GBP7: variants seen among roughly 807,000 people sequenced by gnomAD.
The protein encoded by GBP7 is guanylate-binding protein 7.
Under a neutral mutation model 61.3 loss-of-function variants are expected in GBP7, and 43 were observed. The ratio of observed to expected loss-of-function variants is 0.70; its 90% confidence interval spans 0.55 to 0.91. GBP7 has a LOEUF of 0.91. GBP7 is among the 40% of genes least tolerant of loss of function. The probability of loss-of-function intolerance (pLI) is 0.00; values close to 1 mark genes in which losing one functional copy is unlikely to be tolerated. For missense variants in GBP7, 717 were observed against 740.5 expected, an observed-to-expected ratio of 0.97 and a Z score of 0.37; for synonymous variants, 267 against 271.0, an observed-to-expected ratio of 0.99 and a Z score of 0.14.
intron 9 of GBP7, among the ~76,000 whole-genome samples, chr1:89,137,406 A>G (rs552929424): frequency 1.8e-4 from 28 of 152,302 alleles, no homozygotes; most frequent in African/African-American, 6.7e-4. Context: ...AAAATCTTCA[A>G]CAAAATACTA....
rs560929082 is a variant in GBP7 at position 89,147,676 on chromosome 1, T to C, written c.1256A>G (p.Glu419Gly). 2 of 1,614,232 alleles carry C rather than the reference T, an allele frequency of 1.2e-6. No homozygotes were observed. Among genetic ancestry groups the C allele is most frequent in the African/African-American group, 1.3e-5 (1 of 75,076 alleles). The change falls in exon 8 of 11, where the codon GAA (glutamate) becomes GGA (glycine). Residue 419 changes from glutamate (E) to glycine (G), a missense_variant. Around this residue, in one of 3 missense-constraint regions of GBP7, gnomAD observed 312 missense variants for 310.1 expected, o/e 1.01. Coordinates refer to ENST00000294671, the MANE Select transcript of GBP7 (RefSeq NM_207398.3). ...AAAGAAAGTTCCTCTTGAAATACTTTCTGTCAAGAGCTCTGAAAGCCGCTT... is the reference window on the plus strand; with the variant it reads ...AAAGAAAGTTCCTCTTGAAATACTTCCTGTCAAGAGCTCTGAAAGCCGCTT... Reference protein sequence around the residue: ...ELKRLSELLTESISRGTFFVP... With the variant: ...ELKRLSELLTGSISRGTFFVP...
At chr1:89,140,979 T>C (rs1334133295) in intron 9 of GBP7, among the ~76,000 whole-genome samples, 2 of 152,166 alleles carry the variant, frequency 1.3e-5, no homozygotes, top group East Asian at 1.9e-4. Context: ...TTCTTACTTA[T>C]GAGTGGGAAC....
At position 89,132,269 on chromosome 1, in the gene GBP7, C is replaced by A; in HGVS notation, c.1797G>T (p.Val599=). The A allele has an allele frequency of 6.2e-7, 1 of 1,614,046 alleles. No homozygotes were observed. The highest frequency in any genetic ancestry group is 8.5e-7 in the Non-Finnish European group (1 of 1,179,974). Residue 599 remains valine (V), a synonymous_variant, in exon 11 of 11, where the codon GTG becomes GTT. Transcript: ENST00000294671. ...EPSVFSQILD[V]AGSIFIAALP... The stretch of plus-strand genomic sequence containing the variant: ...GTGCTGCAATAAATATACTGCCAGC[C>A]ACATCAAGAATCTGTGAAAACACTG...
rs763391146 is a variant in GBP7 at position 89,147,697 on chromosome 1, C to T, written c.1235G>A (p.Arg412Gln). The change falls in exon 8 of 11, where the codon CGG becomes CAG. Residue 412 changes from arginine to glutamine, a missense_variant. By Grantham distance (43) the Arg-to-Gln change is conservative (BLOSUM62 1). This residue lies in a region of GBP7 where 312 missense variants were observed against 310.1 expected (regional missense o/e 1.01). Transcript: ENST00000294671. ...ACTTTCTGTCAAGAGCTCTGAAAGC[C>T]GCTTAAGCTCAGCCTGACAATATTT... The part of the protein sequence containing the change: ...SAKYCQAELK[R>Q]LSELLTESIS... 78 of 1,614,064 alleles carry T rather than the reference C, an allele frequency of 4.8e-5. No homozygotes were observed. The Middle Eastern group carries it at 4.9e-4, about 10-fold the overall frequency.
At position 89,134,852 on chromosome 1, in the gene GBP7, G is replaced by T. The variant is rs1031726389; in HGVS notation, c.1469-1401C>A. ...CAATAGTTCCTAATCAAACTGAAATGGCTGAAATAGTAGATATGGAATTCA... is the reference window on the plus strand; with the variant it reads ...CAATAGTTCCTAATCAAACTGAAATTGCTGAAATAGTAGATATGGAATTCA... On this transcript the variant is annotated intron_variant, in intron 9 of 10. Coordinates refer to ENST00000294671, the MANE Select transcript of GBP7 (RefSeq NM_207398.3). Among the ~76,000 whole-genome samples, 5 of 152,122 alleles carry T rather than the reference G, an allele frequency of 3.3e-5. 1 individual carries two copies. Among genetic ancestry groups the T allele is most frequent in the African/African-American group, 9.7e-5 (4 of 41,408 alleles).
chr1:89,146,831 C>G (rs182360909), intron 8 of GBP7, among the ~76,000 whole-genome samples: 1 of 152,024 alleles, frequency 6.6e-6, no homozygotes, highest in Non-Finnish European at 1.5e-5. Flanking sequence ...CCTTAGACAC[C>G]GTTGGGAGGA....
intron 1 of GBP7, among the ~76,000 whole-genome samples, chr1:89,175,489 G>A (rs989958423): frequency 4.6e-5 from 7 of 152,128 alleles, no homozygotes; most frequent in African/African-American, 7.2e-5. Context: ...ATCAGTCACC[G>A]GCTCAGAAAG....
intron 9 of GBP7, among the ~76,000 whole-genome samples, chr1:89,136,707 A>C (rs987227513): frequency 1.3e-5 from 2 of 152,212 alleles, no homozygotes; most frequent in Non-Finnish European, 2.9e-5. Flanking sequence ...AGAAAGTTAG[A>C]AATATCTCAA....
rs756307849 is a variant in GBP7 at position 89,152,658 on chromosome 1, G to A, written c.428+10C>T. 8.7e-6 allele frequency: 14 copies of A among 1,609,220 alleles called. No individual in the cohort carries two copies. The highest frequency in any genetic ancestry group is 2.2e-5 in the East Asian group (1 of 44,870). On this transcript the variant is annotated intron_variant, in intron 4 of 10. Coordinates refer to ENST00000294671, the MANE Select transcript of GBP7 (RefSeq NM_207398.3). ...CATAAAACCTGGCTCTTCACTTCCT[G>A]GAAGGATACTGCAGCTGCTCCAGGG...
chr1:89,155,788 A>G (rs1223882650), intron 3 of GBP7, among the ~76,000 whole-genome samples: 4 of 152,240 alleles, frequency 2.6e-5, no homozygotes, highest in Admixed American at 6.5e-5. Context: ...ACTCTTCAGG[A>G]TATTATCCAG....
rs186206648 is a variant in GBP7, at chr1:89,174,276, C to T, written c.-20+1645G>A. On this transcript the variant is annotated intron_variant, in intron 1 of 10. Coordinates refer to ENST00000294671, the MANE Select transcript of GBP7 (RefSeq NM_207398.3). The stretch of plus-strand genomic sequence containing the variant: ...TAATTTCAGGATAGAGTCCTACCAA[C>T]GGGATTGCTTGGTCAAAAGATGAGA... Among the ~76,000 whole-genome samples, 201 of 152,218 alleles carry T rather than the reference C, an allele frequency of 1.3e-3. 1 individual carries two copies. The highest frequency in any genetic ancestry group is 4.5e-3 in the African/African-American group (186 of 41,528).
chr1:89,171,045 A>G (rs1647583516), intron 2 of GBP7, among the ~76,000 whole-genome samples: 1 of 152,248 alleles, frequency 6.6e-6, no homozygotes, highest in Non-Finnish European at 1.5e-5. Flanking sequence ...TAACATTTCC[A>G]GATGAGTTTA....
In GBP7 at chr1:89,141,107, T is replaced by C. The variant is rs369969410; in HGVS notation, c.1468+439A>G. 3.7e-4 allele frequency among the ~76,000 whole-genome samples: 56 copies of C among 152,142 alleles called. 6 individuals are homozygous for C. The highest frequency in any genetic ancestry group is 9.2e-4 in the Admixed American group (14 of 15,274). ...TACCTATTGGGTACTATGCTCATTA[T>C]CTGGGTGATGAAATAATCTGTACAA... On this transcript the variant is annotated intron_variant, in intron 9 of 10. Transcript: ENST00000294671.
chr1:89,171,576 C>T (rs1161822384), intron 2 of GBP7, among the ~76,000 whole-genome samples, 170 bp downstream of exon 2: 2 of 151,008 alleles, frequency 1.3e-5, no homozygotes, highest in Non-Finnish European at 2.9e-5. Flanking sequence ...TGAGAAGAGT[C>T]AGTTGACTCC....
At chr1:89,136,924 A>G (rs1570339278) in intron 9 of GBP7, among the ~76,000 whole-genome samples, 2 of 152,112 alleles carry the variant, frequency 1.3e-5, no homozygotes, top group Non-Finnish European at 2.9e-5. Context: ...AAAAAGAACA[A>G]AAAAAGAGAA....
At chr1:89,165,240 A>C (rs989246792) in intron 2 of GBP7, among the ~76,000 whole-genome samples, 1 of 152,134 alleles carries the variant, frequency 6.6e-6, no homozygotes, top group African/African-American at 2.4e-5. Flanking sequence ...GGTGGCTCAC[A>C]CCTGTAATCC....
intron 2 of GBP7, among the ~76,000 whole-genome samples, chr1:89,165,637 A>G (rs1647405151): frequency 6.6e-6 from 1 of 152,132 alleles, no homozygotes; most frequent in Non-Finnish European, 1.5e-5. Flanking sequence ...ATGAAGCTGG[A>G]AACCATCATT....
At chr1:89,135,258 T>C (rs1422821870) in intron 9 of GBP7, among the ~76,000 whole-genome samples, 1 of 152,102 alleles carries the variant, frequency 6.6e-6, no homozygotes, top group Non-Finnish European at 1.5e-5. Flanking sequence ...TAGCAAGCAA[T>C]TTGGAAAACA....
chr1:89,146,998 T>C (rs1217200977), intron 8 of GBP7, among the ~76,000 whole-genome samples: 2 of 152,214 alleles, frequency 1.3e-5, no homozygotes, highest in Non-Finnish European at 2.9e-5. Flanking sequence ...TATTAGCCTC[T>C]CCATGCATTC....
Sources: allele counts gnomAD v4.1 joint callset (sites outside exome capture counted in the v4.1 genomes callset), GRCh38; gene constraint gnomAD v4.1.1; regional missense constraint gnomAD v4.1.1; transcripts MANE v1.5; gene names NCBI Gene and HGNC (gene_info 2026-07-23, HGNC 2026-07-21).